Variants in ASTN1 observed in about 807,000 individuals in gnomAD.
ASTN1 encodes the protein astrotactin-1.
In ASTN1, 41 loss-of-function variants were observed where a neutral mutation model predicts 140.7. The observed-to-expected ratio is 0.29, with a 90% confidence interval of 0.23 to 0.38. The LOEUF (loss-of-function observed/expected upper bound fraction) is 0.38. Among genes scored for constraint, ASTN1 ranks in the 10% least tolerant of loss-of-function variants. ASTN1 has a pLI of 1.00. For synonymous variants in ASTN1, 640 were observed against 652.2 expected (o/e 0.98, Z 0.29); for missense variants, 1,479 against 1,678.8 (o/e 0.88, Z 2.08).
chr1:177,066,096 C>G (rs1314690286), intron 1 of ASTN1, among the ~76,000 whole-genome samples: 1 of 152,134 alleles, frequency 6.6e-6, no homozygotes, highest in South Asian at 2.1e-4. Context: ...CTCATATAAC[C>G]ACCTATAAAG....
chr1:177,078,619 A>G (rs1290410912), intron 1 of ASTN1, among the ~76,000 whole-genome samples: 2 of 152,214 alleles, frequency 1.3e-5, no homozygotes, highest in African/African-American at 2.4e-5. Context: ...AGAGTAAACT[A>G]GTTCCCAGAT....
At chr1:177,028,623 C>T (rs1279018537) in intron 5 of ASTN1, among the ~76,000 whole-genome samples, 1 of 152,124 alleles carries the variant, frequency 6.6e-6, no homozygotes, top group Non-Finnish European at 1.5e-5. Context: ...AGATGCCACT[C>T]AAATATCCTC....
At chr1:177,093,938 G>A (rs1480420127) in intron 1 of ASTN1, among the ~76,000 whole-genome samples, 1 of 151,948 alleles carries the variant, frequency 6.6e-6, no homozygotes, top group African/African-American at 2.4e-5. Context: ...TATGTTTTGG[G>A]TTCAGATCTA....
rs1676014770 is a variant in ASTN1 at position 177,024,713 on chromosome 1, A to G, written c.1140T>C (p.Pro380=). The G allele has an allele frequency of 1.9e-6, 3 of 1,614,002 alleles. No homozygotes were observed. The highest frequency in any genetic ancestry group is 2.5e-6 in the Non-Finnish European group (3 of 1,179,890). ...TCAGGGTCAAGGTGGTCTTATTCAC[A>G]GGACTTCGGGGAGAACCCACTGAAA... The part of the protein sequence containing the change: ...RRSRVGSPRS[P]VNKTTLTLIS... Residue 380 remains proline, a synonymous_variant, in exon 6 of 23, where the codon CCT becomes CCC. Coordinates refer to ENST00000361833, the MANE Select transcript of ASTN1 (RefSeq NM_004319.3).
At position 176,944,002 on chromosome 1, in the gene ASTN1, G is replaced by A. The variant is rs1177834978; in HGVS notation, c.2266C>T (p.Arg756Cys). 6.2e-7 allele frequency: 1 copy of A among 1,613,802 alleles called. No homozygotes were observed. The highest frequency in any genetic ancestry group is 2.2e-5 in the East Asian group (1 of 44,878). Residue 756 changes from arginine (R) to cysteine (C), a missense_variant, in exon 14 of 23, where the codon CGT becomes TGT. Physicochemically the swap from Arg to Cys is radical, Grantham distance 180. This residue lies in a region of ASTN1 where 746 missense variants were observed against 800.9 expected (regional missense o/e 0.93). Transcript: ENST00000361833. ...TCTGGCAGTTGCTGGTCTAAACCAC[G>A]AGCAAAGTTGTTTTGCCTAGAAAGA... ...KGTFRQNNFA[R>C]GLDQQLPDGL...
intron 15 of ASTN1, among the ~76,000 whole-genome samples, chr1:176,935,170 T>C (rs944162779): frequency 1.3e-5 from 2 of 152,196 alleles, no homozygotes; most frequent in African/African-American, 4.8e-5. Context: ...TCTCCTTTTC[T>C]ACGTACCTGT....
chr1:176,960,896 C>T (rs1672628924), intron 9 of ASTN1, among the ~76,000 whole-genome samples: 1 of 152,130 alleles, frequency 6.6e-6, no homozygotes, highest in African/African-American at 2.4e-5. Context: ...CCAGGGCCTT[C>T]ACCCTCTACC....
rs144175623 is a variant in ASTN1, at chr1:177,046,722, C to G, written c.472-13873G>C. ...AGATGGCCTCATGATCTAGCCACTT[C>G]TGGTGTGTGTGACAGCCTTCCCCTA... is the stretch of plus-strand genomic sequence containing the variant. On this transcript the variant is annotated intron_variant, in intron 2 of 22. Transcript: ENST00000361833. Among the ~76,000 whole-genome samples, 53 of 152,286 alleles carry G rather than the reference C, an allele frequency of 3.5e-4. 1 individual carries two copies. Among genetic ancestry groups the G allele is most frequent in the African/African-American group, 1.2e-3 (51 of 41,566 alleles).
intron 1 of ASTN1, among the ~76,000 whole-genome samples, chr1:177,080,901 A>G (rs1679147563): frequency 6.6e-6 from 1 of 152,192 alleles, no homozygotes; most frequent in Non-Finnish European, 1.5e-5. Context: ...AGAGGGGTGC[A>G]TGAGGCTTAA....
At chr1:176,876,721 C>A in intron 20 of ASTN1, 84 bp from the exon 21 acceptor site, 3 of 1,348,206 alleles carry the variant, frequency 2.2e-6, no homozygotes, top group Non-Finnish European at 3.1e-6. Context: ...TGGCCCAGCT[C>A]TGCCTGAATG....
intron 16 of ASTN1, among the ~76,000 whole-genome samples, chr1:176,918,352 G>A (rs1025859156): frequency 6.6e-6 from 1 of 152,124 alleles, no homozygotes; most frequent in East Asian, 1.9e-4. Flanking sequence ...TCTCCTCTGA[G>A]CTCCAGACTT....
At chr1:177,073,619 A>G (rs1678750137) in intron 1 of ASTN1, among the ~76,000 whole-genome samples, 1 of 147,814 alleles carries the variant, frequency 6.8e-6, no homozygotes, top group African/African-American at 2.5e-5. Flanking sequence ...ATAGAACCAC[A>G]CCTACTTCCT....
intron 16 of ASTN1, among the ~76,000 whole-genome samples, chr1:176,921,019 T>C (rs1670701235): frequency 6.6e-6 from 1 of 152,226 alleles, no homozygotes; most frequent in Non-Finnish European, 1.5e-5. Context: ...GAAAACTGTC[T>C]ACTTATCAGT....
chr1:177,010,851 A>G (rs1419233229), intron 8 of ASTN1, among the ~76,000 whole-genome samples: 1 of 152,222 alleles, frequency 6.6e-6, no homozygotes, highest in East Asian at 1.9e-4. Context: ...GATAATCCAG[A>G]TAAATAAAAG....
chr1:177,045,150 C>A (rs959943864), intron 2 of ASTN1, among the ~76,000 whole-genome samples: 1 of 152,154 alleles, frequency 6.6e-6, no homozygotes, highest in South Asian at 2.1e-4. Context: ...TTACTCTGAT[C>A]CATAGACATA....
chr1:177,068,521 C>A (rs1678474258), intron 1 of ASTN1, among the ~76,000 whole-genome samples: 1 of 152,104 alleles, frequency 6.6e-6, no homozygotes, highest in Admixed American at 6.6e-5. Context: ...TGATGAGAAA[C>A]AATGGCAGGT....
chr1:177,090,987 C>T (rs181682678), intron 1 of ASTN1, among the ~76,000 whole-genome samples: 1 of 152,140 alleles, frequency 6.6e-6, no homozygotes, highest in Admixed American at 6.6e-5. Context: ...TGAAGGGTAA[C>T]ATGCATATGT....
Position 176,862,966 on chromosome 1 carries a change from G to C in ASTN1, c.*1318C>G. Reference sequence around the variant, plus strand: ...GCTGAAGGTGTGTGTTCAGGCCACTGAGTTGTGTGGGACAGCTAAGGCCAT... The same window carrying C: ...GCTGAAGGTGTGTGTTCAGGCCACTCAGTTGTGTGGGACAGCTAAGGCCAT... On this transcript the variant is annotated 3_prime_UTR_variant, in exon 23 of 23. Coordinates refer to ENST00000361833, the MANE Select transcript of ASTN1 (RefSeq NM_004319.3). The C allele has an allele frequency of 1.0e-6, 1 of 985,478 alleles. No homozygotes were observed. The highest frequency in any genetic ancestry group is 1.2e-6 in the Non-Finnish European group (1 of 829,942). 61.0% of individuals were successfully genotyped at this position (985,478 alleles called of 1,614,324 possible).
rs987785277 is a variant in ASTN1, at chr1:176,896,556, G to C, written c.2672-1726C>G. ...TCTTTTTCAATATACTGTACGGATT[G>C]GGCGGAGCGAGTGCGGGTGGGGTGA... On this transcript the variant is annotated intron_variant, in intron 16 of 22. Transcript: ENST00000361833. Among the ~76,000 whole-genome samples, 14 of 152,134 alleles carry C rather than the reference G, an allele frequency of 9.2e-5. 1 individual carries two copies. Among genetic ancestry groups the C allele is most frequent in the Admixed American group, 2.6e-4 (4 of 15,282 alleles).
Sources: allele counts gnomAD v4.1 joint callset (sites outside exome capture counted in the v4.1 genomes callset), GRCh38; gene constraint gnomAD v4.1.1; regional missense constraint gnomAD v4.1.1; transcripts MANE v1.5; gene names NCBI Gene and HGNC (gene_info 2026-07-23, HGNC 2026-07-21).